PRKN: variants seen among roughly 807,000 people sequenced by gnomAD.
PRKN encodes the protein parkin RBR E3 ubiquitin protein ligase, also known as E3 ubiquitin-protein ligase parkin.
Under a neutral mutation model 59.5 loss-of-function variants are expected in PRKN, and 56 were observed. The ratio of observed to expected loss-of-function variants is 0.94; its 90% CI spans 0.76 to 1.18. The LOEUF (loss-of-function observed/expected upper bound fraction) is 1.18, where lower values mean the gene tolerates loss of function less well. Among genes scored for constraint, PRKN ranks in the 50% most tolerant of loss-of-function variants. The pLI is 0.00. For synonymous variants in PRKN, 250 were observed against 222.1 expected (o/e 1.13, Z -1.12); for missense variants, 657 against 596.4 (o/e 1.10, Z -1.06).
chr6:161,880,718 C>T (rs569068712), intron 6 of PRKN, among the ~76,000 whole-genome samples: 20 of 152,266 alleles, frequency 1.3e-4, no homozygotes, highest in African/African-American at 3.9e-4. Context: ...ATGAGAAGAA[C>T]GCACTTCCTG....
At chr6:162,468,341 A>T (rs1404436318) in intron 1 of PRKN, among the ~76,000 whole-genome samples, 1 of 152,198 alleles carries the variant, frequency 6.6e-6, no homozygotes, top group Non-Finnish European at 1.5e-5. Flanking sequence ...ACCCAGAAAG[A>T]TCTTTGTTCA....
intron 2 of PRKN, among the ~76,000 whole-genome samples, chr6:162,359,095 T>TATATATATATATAC (rs1477670064): frequency 7.0e-6 from 1 of 141,964 alleles, no homozygotes; most frequent in African/African-American, 2.8e-5. Flanking sequence ...TATATATATA[T>TATATATATATATAC]ATGAAATCAC....
At chr6:161,636,315 A>G (rs1427644121) in intron 7 of PRKN, among the ~76,000 whole-genome samples, 1 of 152,216 alleles carries the variant, frequency 6.6e-6, no homozygotes, top group Non-Finnish European at 1.5e-5. Flanking sequence ...GCTCAGAGAA[A>G]GGGCTGGCAG....
At chr6:161,739,797 C>T (rs1034277423) in intron 7 of PRKN, among the ~76,000 whole-genome samples, 1 of 151,900 alleles carries the variant, frequency 6.6e-6, no homozygotes, top group Non-Finnish European at 1.5e-5. Flanking sequence ...CTCTGTCCTG[C>T]AGGCTGGAGT....
intron 9 of PRKN, among the ~76,000 whole-genome samples, chr6:161,482,120 T>A (rs1228561900): frequency 5.9e-5 from 9 of 152,170 alleles, no homozygotes; most frequent in Admixed American, 5.9e-4. Flanking sequence ...AGTAAAATTG[T>A]TAACAAAATT....
At chr6:161,817,506 C>CTTT (rs1031801113) in intron 6 of PRKN, among the ~76,000 whole-genome samples, 2 of 152,106 alleles carry the variant, frequency 1.3e-5, no homozygotes, top group African/African-American at 4.8e-5. Context: ...AAATGATTCC[C>CTTT]TTTTATTAAG....
Position 161,545,167 on chromosome 6 carries a change from G to A in PRKN, c.1083+3687C>T, listed in dbSNP as rs1422134999. The A allele has an allele frequency of 9.9e-6, 13 of 1,318,252 alleles. No individual in the cohort carries two copies. The highest frequency in any genetic ancestry group is 1.3e-5 in the Non-Finnish European group (13 of 1,036,422). 81.7% of individuals were successfully genotyped at this position (1,318,252 alleles called of 1,614,324 possible). ...TTTTTTGTAACAGCTAACATTTCTT[G>A]CATACCCACATGGTAAGAGTTGTAC... On this transcript the variant is annotated intron_variant, in intron 9 of 11. Coordinates refer to ENST00000366898, the MANE Select transcript of PRKN (RefSeq NM_004562.3). This position sits in a 1 kb window ranked among gnomAD's most constrained non-coding sequence, Gnocchi z 4.1.
intron 9 of PRKN, among the ~76,000 whole-genome samples, chr6:161,519,866 CAGA>C (rs142941238): frequency 0.087 from 13,192 of 152,134 alleles, 682 homozygotes; most frequent in African/African-American, 0.15. Flanking sequence ...CACCCAGGAC[CAGA>C]AGAAGAACAC....
At chr6:161,627,725 T>A (rs368774281) in intron 7 of PRKN, among the ~76,000 whole-genome samples, 1 of 152,228 alleles carries the variant, frequency 6.6e-6, no homozygotes, top group Admixed American at 6.5e-5. Flanking sequence ...GTGGACCCCA[T>A]TGGTGCAGAG....
intron 6 of PRKN, among the ~76,000 whole-genome samples, chr6:161,891,206 C>T (rs776819231): frequency 2.0e-5 from 3 of 152,130 alleles, no homozygotes; most frequent in Non-Finnish European, 2.9e-5. Context: ...CCCAGGGGGG[C>T]CACAGCGCCT....
intron 3 of PRKN, among the ~76,000 whole-genome samples, chr6:162,222,394 A>T (rs1184913526): frequency 6.6e-6 from 1 of 152,178 alleles, no homozygotes; most frequent in Non-Finnish European, 1.5e-5. Flanking sequence ...AAACGAAGAT[A>T]CGGAGATAGA....
intron 5 of PRKN, among the ~76,000 whole-genome samples, chr6:162,049,261 A>G (rs555710354): frequency 6.6e-6 from 1 of 152,128 alleles, no homozygotes; most frequent in South Asian, 2.1e-4. Context: ...AGTGATAGAA[A>G]TTCAAAATTT....
chr6:162,160,068 A>G (rs185625012), intron 4 of PRKN, among the ~76,000 whole-genome samples: 5 of 152,308 alleles, frequency 3.3e-5, no homozygotes, highest in African/African-American at 9.6e-5. Context: ...AAAATTTAAA[A>G]CTTCTGCTCT....
At chr6:162,428,224 T>A (rs1354819936) in intron 2 of PRKN, among the ~76,000 whole-genome samples, 1 of 152,214 alleles carries the variant, frequency 6.6e-6, no homozygotes, top group Non-Finnish European at 1.5e-5. Flanking sequence ...AAATTCAAAG[T>A]CACTAATGTA....
intron 1 of PRKN, among the ~76,000 whole-genome samples, chr6:162,573,544 ATTAT>A (rs1780438534): frequency 1.3e-5 from 2 of 152,300 alleles, no homozygotes; most frequent in Middle Eastern, 3.4e-3. Context: ...TTGTTATAAA[ATTAT>A]TTACTCATTT....
chr6:162,537,960 AC>A (rs1425433687), intron 1 of PRKN, among the ~76,000 whole-genome samples: 1 of 152,076 alleles, frequency 6.6e-6, no homozygotes, highest in Non-Finnish European at 1.5e-5. Context: ...AAACTACATT[AC>A]CCCAAACACC....
chr6:161,404,011 A>G (rs1787159862), intron 9 of PRKN, among the ~76,000 whole-genome samples: 1 of 152,132 alleles, frequency 6.6e-6, no homozygotes, highest in Admixed American at 6.5e-5. Flanking sequence ...GTGGTATTCC[A>G]TGTAGCAACA....
rs1281700618 is a variant in PRKN at position 161,548,390 on chromosome 6, C to T, written c.1083+464G>A. ...TCTCTACTTAAAATGATTTTTATGACATAATAACATTTCAAGTTTTCCACA... is the reference window on the plus strand; with the variant it reads ...TCTCTACTTAAAATGATTTTTATGATATAATAACATTTCAAGTTTTCCACA... On this transcript the variant is annotated intron_variant, in intron 9 of 11. Transcript: ENST00000366898. This position sits in a 1 kb window ranked among gnomAD's most constrained non-coding sequence, Gnocchi z 4.2. 6.6e-6 allele frequency among the ~76,000 whole-genome samples: 1 copy of T among 152,172 alleles called. No homozygotes were observed. The highest frequency in any genetic ancestry group is 2.4e-5 in the African/African-American group (1 of 41,442).
chr6:162,540,603 T>C (rs1562368339), intron 1 of PRKN, among the ~76,000 whole-genome samples: 1 of 151,852 alleles, frequency 6.6e-6, no homozygotes, highest in Non-Finnish European at 1.5e-5. Flanking sequence ...GGTCAGGAGT[T>C]CGAGACCAGC....
Sources: allele counts gnomAD v4.1 joint callset (sites outside exome capture counted in the v4.1 genomes callset), GRCh38; gene constraint gnomAD v4.1.1; non-coding constraint Gnocchi (gnomAD v3.1); transcripts MANE v1.5; gene names NCBI Gene and HGNC (gene_info 2026-07-23, HGNC 2026-07-21).